Variants in MFSD11 observed in about 807,000 individuals in gnomAD.
The protein encoded by MFSD11 is UNC93-like protein MFSD11.
Under a neutral mutation model 53.5 loss-of-function variants are expected in MFSD11, and 36 were observed. The observed-to-expected ratio is 0.67, with a 90% CI of 0.52 to 0.89. The LOEUF (loss-of-function observed/expected upper bound fraction) is 0.89. MFSD11 is among the 40% of genes least tolerant of loss of function. The pLI is 0.00. For missense variants in MFSD11, 530 were observed against 543.9 expected (o/e 0.97, Z 0.25); for synonymous variants, 186 against 184.9 (o/e 1.01, Z -0.05).
downstream of MFSD11, among the ~76,000 whole-genome samples, chr17:76,783,993 A>G (rs570442012): frequency 3.9e-5 from 6 of 152,026 alleles, no homozygotes; most frequent in East Asian, 1.2e-3. Flanking sequence ...AGGTGTTGGC[A>G]AGGATGTGGA....
Position 76,776,623 on chromosome 17 carries a change from T to G in MFSD11, c.1185+82T>G, listed in dbSNP as rs561871642. 3.3e-5 allele frequency: 43 copies of G among 1,304,666 alleles called. No individual in the cohort carries two copies. Among genetic ancestry groups the G allele is most frequent in the Admixed American group, 5.3e-5 (2 of 38,092 alleles). 80.8% of individuals were successfully genotyped at this position (1,304,666 alleles called of 1,614,324 possible). A position where few individuals can be genotyped will look rare whatever the true frequency, so the allele number is the denominator to read the frequency against. ...CCTTGTTTTCCTTGGTTACTTGTAT[T>G]GTGGTTTTAATTTTTATTTATTTAT... is the stretch of plus-strand genomic sequence containing the variant. On this transcript the variant is annotated intron_variant, in intron 12 of 12. Coordinates refer to ENST00000685175, the MANE Select transcript of MFSD11 (RefSeq NM_001242532.5). This position sits in a 1 kb window ranked among gnomAD's most constrained non-coding sequence, Gnocchi z 4.2.
chr17:76,793,478 C>T, the MFSD11 span, among the ~76,000 whole-genome samples: 1 of 151,422 alleles, frequency 6.6e-6, no homozygotes, highest in East Asian at 1.9e-4. Flanking sequence ...TTGCTGTTAT[C>T]CTGTTCTTTT....
Position 76,738,346 on chromosome 17 carries a change from A to T in MFSD11, c.-7A>T, listed in dbSNP as rs2077701262. 5 of 1,612,496 alleles carry T rather than the reference A, an allele frequency of 3.1e-6. No homozygotes were observed. The highest frequency in any genetic ancestry group is 4.2e-6 in the Non-Finnish European group (5 of 1,178,684). On this transcript the variant is annotated 5_prime_UTR_variant, in exon 1 of 13. Coordinates refer to ENST00000685175, the MANE Select transcript of MFSD11 (RefSeq NM_001242532.5). Reference sequence around the variant, plus strand: ...TGGGCTGCTGCCTCCGGCAGAGCTGAGCCAAAATGTCCCCGGAATCTAAAA... The same window carrying T: ...TGGGCTGCTGCCTCCGGCAGAGCTGTGCCAAAATGTCCCCGGAATCTAAAA...
At chr17:76,755,797 TATATATATATA>T (rs2079534851) in intron 8 of MFSD11, among the ~76,000 whole-genome samples, 4 of 23,662 alleles carry the variant, frequency 1.7e-4, no homozygotes, top group Non-Finnish European at 3.1e-4. Flanking sequence ...TATACATATA[TATATATATATA>T]TATATTTTTT....
chr17:76,775,856 A>G (rs963538876), intron 11 of MFSD11, among the ~76,000 whole-genome samples: 9 of 152,336 alleles, frequency 5.9e-5, no homozygotes, highest in Middle Eastern at 3.4e-3. Flanking sequence ...TTGATAAGGG[A>G]TACTCAACCT....
At chr17:76,755,583 T>C (rs866623977) in intron 8 of MFSD11, among the ~76,000 whole-genome samples, 1 of 151,910 alleles carries the variant, frequency 6.6e-6, no homozygotes, top group African/African-American at 2.4e-5. Flanking sequence ...ACAAAGCTTG[T>C]TAACTCTTGG....
chr17:76,754,589 C>A (rs1002749575), intron 8 of MFSD11, among the ~76,000 whole-genome samples: 1 of 148,874 alleles, frequency 6.7e-6, no homozygotes, highest in African/African-American at 2.5e-5. Flanking sequence ...GAGGCTGAGG[C>A]AGGAGAATTG....
chr17:76,763,879 T>C (rs2080538351), intron 8 of MFSD11, among the ~76,000 whole-genome samples: 2 of 151,984 alleles, frequency 1.3e-5, no homozygotes, highest in South Asian at 2.1e-4. Flanking sequence ...TGTTTTTTTT[T>C]TGAGGCAGAA....
chr17:76,784,531 C>CA (rs371574339), downstream of MFSD11, among the ~76,000 whole-genome samples: 6,569 of 145,814 alleles, frequency 0.045, 426 homozygotes, highest in African/African-American at 0.15. Context: ...GACTCCATCT[C>CA]AAAAAAAAAA....
At chr17:76,773,363 C>G (rs868104484) in intron 10 of MFSD11, 7 of 152,310 alleles carry the variant, frequency 4.6e-5, no homozygotes, top group South Asian at 2.1e-4. Flanking sequence ...TGAGTGATTC[C>G]GTTTTTCTGA....
upstream of MFSD11, chr17:76,737,523 G>T (rs1324865598): frequency 3.4e-6 from 1 of 292,470 alleles, no homozygotes; most frequent in Admixed American, 4.8e-5. Flanking sequence ...GTCACGGCTG[G>T]AGGGAGGGGG....
At chr17:76,760,303 A>G (rs1461495560) in intron 8 of MFSD11, among the ~76,000 whole-genome samples, 1 of 151,598 alleles carries the variant, frequency 6.6e-6, no homozygotes, top group Non-Finnish European at 1.5e-5. Flanking sequence ...GAAAATTGTA[A>G]GGAAGAGAAA....
At chr17:76,770,011 C>A in intron 10 of MFSD11, 140 bp downstream of exon 10, 11 of 614,014 alleles carry the variant, frequency 1.8e-5, no homozygotes, top group Non-Finnish European at 2.6e-5. Flanking sequence ...TTTTATTTTT[C>A]TATTATTGCT....
chr17:76,771,160 G>A (rs1169732268), intron 10 of MFSD11, among the ~76,000 whole-genome samples: 2 of 152,216 alleles, frequency 1.3e-5, no homozygotes, highest in Non-Finnish European at 2.9e-5. Context: ...GTCTTTCTGG[G>A]AACCAGCCTC....
intron 8 of MFSD11, among the ~76,000 whole-genome samples, chr17:76,765,452 CTTTTTTTTTT>C (rs59878271): frequency 9.8e-5 from 9 of 91,498 alleles, no homozygotes; most frequent in East Asian, 6.1e-4. Context: ...CTTGAATTTC[CTTTTTTTTTT>C]TTTTTTTTTT....
rs1293311571 is a variant in MFSD11 at position 76,778,436 on chromosome 17, A to T, written c.*84A>T. ...GTGGAAGAAGTCGCCTTTGATCTTC[A>T]CTATATATTGGGTGATGTTCAGTAT... On this transcript the variant is annotated 3_prime_UTR_variant, in exon 13 of 13. Transcript: ENST00000685175. The T allele has an allele frequency of 7.4e-7, 1 of 1,343,732 alleles. No individual in the cohort carries two copies. The highest frequency in any genetic ancestry group is 1.4e-5 in the African/African-American group (1 of 69,146). 83.2% of individuals were successfully genotyped at this position (1,343,732 alleles called of 1,614,324 possible). A position where few individuals can be genotyped will look rare whatever the true frequency, so the allele number is the denominator to read the frequency against.
chr17:76,762,719 T>C (rs535058041), intron 8 of MFSD11, among the ~76,000 whole-genome samples: 108 of 146,642 alleles, frequency 7.4e-4, no homozygotes, highest in African/African-American at 2.5e-3. Flanking sequence ...ATTCAGTAAA[T>C]ATTAATTGAC....
the MFSD11 span, among the ~76,000 whole-genome samples, chr17:76,789,748 C>T: frequency 6.7e-6 from 1 of 150,066 alleles, no homozygotes; most frequent in Non-Finnish European, 1.5e-5. Context: ...TCTTGGCCTG[C>T]AACTTCTGTC....
At chr17:76,768,599 C>G (rs779475888) in intron 9 of MFSD11, among the ~76,000 whole-genome samples, 2 of 152,036 alleles carry the variant, frequency 1.3e-5, no homozygotes, top group Admixed American at 6.6e-5. Context: ...TTGGAATTTT[C>G]TTTTCCTAGA....
Sources: gnomAD v4.1 joint callset for allele counts (sites outside exome capture counted in the v4.1 genomes callset) on GRCh38, gnomAD v4.1.1 for gene constraint, Gnocchi (gnomAD v3.1) non-coding constraint, MANE v1.5 for transcripts, NCBI Gene and HGNC (gene_info 2026-07-23, HGNC 2026-07-21) for gene names.